The following SH3RF3 variants were observed in gnomAD, a reference collection of about 807,000 sequenced individuals.
The protein encoded by SH3RF3 is E3 ubiquitin-protein ligase SH3RF3.
Under a neutral mutation model 66.3 loss-of-function variants are expected in SH3RF3, and 29 were observed. The ratio of observed to expected loss-of-function variants is 0.44; its 90% CI spans 0.33 to 0.60. The LOEUF (loss-of-function observed/expected upper bound fraction) is 0.60. Ranked by LOEUF, SH3RF3 falls within the 20% of genes least tolerant of loss-of-function variation. The pLI is 0.04. For missense variants in SH3RF3, 1,194 were observed against 1,190.9 expected (o/e 1.00, Z -0.04); for synonymous variants, 583 against 532.0 (o/e 1.10, Z -1.32).
At chr2:109,270,529 ATTCCT>A (rs1680599984) in intron 1 of SH3RF3, among the ~76,000 whole-genome samples, 1 of 152,134 alleles carries the variant, frequency 6.6e-6, no homozygotes, top group Non-Finnish European at 1.5e-5. Flanking sequence ...GAACCCATCC[ATTCCT>A]CTGTGATCAG....
chr2:109,459,880 A>G (rs1177524688), intron 8 of SH3RF3, among the ~76,000 whole-genome samples: 2 of 152,214 alleles, frequency 1.3e-5, no homozygotes, highest in African/African-American at 2.4e-5. Context: ...TTTCTGCCCC[A>G]TGATTCCTGG....
chr2:109,335,809 C>T (rs939791095), intron 1 of SH3RF3, among the ~76,000 whole-genome samples: 3 of 152,148 alleles, frequency 2.0e-5, no homozygotes, highest in African/African-American at 4.8e-5. Flanking sequence ...TCCTACCTTA[C>T]GCGGCTGTAG....
At chr2:109,342,942 T>C (rs1375346040) in intron 1 of SH3RF3, among the ~76,000 whole-genome samples, 1 of 152,222 alleles carries the variant, frequency 6.6e-6, no homozygotes, top group Non-Finnish European at 1.5e-5. Context: ...TTTCCTTTTT[T>C]CTTTTATTTC....
At chr2:109,313,114 A>T (rs947365157) in intron 1 of SH3RF3, among the ~76,000 whole-genome samples, 7 of 152,170 alleles carry the variant, frequency 4.6e-5, no homozygotes, top group Non-Finnish European at 7.3e-5. Flanking sequence ...CTCACACTGT[A>T]GGTAATATTT....
At chr2:109,171,141 C>T (rs1469930504) in intron 1 of SH3RF3, among the ~76,000 whole-genome samples, 3 of 152,160 alleles carry the variant, frequency 2.0e-5, no homozygotes, top group African/African-American at 7.2e-5. Context: ...CTAGATCATT[C>T]AGGTTTTGTT....
intron 1 of SH3RF3, among the ~76,000 whole-genome samples, chr2:109,320,126 A>G (rs937037269): frequency 5.3e-5 from 8 of 152,280 alleles, no homozygotes; most frequent in African/African-American, 1.9e-4. Context: ...GTGCTCCTGT[A>G]AAGCCTGTAG....
chr2:109,310,046 C>T (rs1681691282), intron 1 of SH3RF3, among the ~76,000 whole-genome samples: 1 of 117,694 alleles, frequency 8.5e-6, no homozygotes, highest in South Asian at 2.8e-4. Flanking sequence ...ACATTTTTTT[C>T]AGCACCACAC....
intron 8 of SH3RF3, among the ~76,000 whole-genome samples, chr2:109,466,029 A>G (rs1678331548): frequency 6.6e-6 from 1 of 151,144 alleles, no homozygotes; most frequent in Admixed American, 6.6e-5. Flanking sequence ...ATCAACATAT[A>G]ATGCTGAGCA....
chr2:109,472,578 G>A (rs1192645124), intron 8 of SH3RF3, among the ~76,000 whole-genome samples: 1 of 152,146 alleles, frequency 6.6e-6, no homozygotes, highest in East Asian at 1.9e-4. Context: ...CTGCCTTCTG[G>A]TTGGATGAAG....
intron 4 of SH3RF3, among the ~76,000 whole-genome samples, chr2:109,409,751 C>T (rs564467100): frequency 4.1e-5 from 6 of 147,316 alleles, no homozygotes; most frequent in African/African-American, 1.5e-4. Flanking sequence ...CTGCTTGCTC[C>T]TCTTTGCAGA....
intron 1 of SH3RF3, among the ~76,000 whole-genome samples, chr2:109,196,860 G>A (rs1678513798): frequency 6.6e-6 from 1 of 152,218 alleles, no homozygotes; most frequent in South Asian, 2.1e-4. Flanking sequence ...AGAGACAGAG[G>A]TGGGCCTAGA....
At chr2:109,156,592 T>G (rs375687244) in intron 1 of SH3RF3, among the ~76,000 whole-genome samples, 1 of 151,904 alleles carries the variant, frequency 6.6e-6, no homozygotes, top group African/African-American at 2.4e-5. Context: ...ATTACAGGTG[T>G]CCACCACTAC....
intron 1 of SH3RF3, among the ~76,000 whole-genome samples, chr2:109,336,135 T>C (rs1682415325): frequency 6.6e-6 from 1 of 152,180 alleles, no homozygotes; most frequent in African/African-American, 2.4e-5. Flanking sequence ...AAATATTTAA[T>C]ATCTTAAAGA....
chr2:109,410,200 A>G (rs992967521), intron 4 of SH3RF3, among the ~76,000 whole-genome samples: 1 of 152,212 alleles, frequency 6.6e-6, no homozygotes, highest in Non-Finnish European at 1.5e-5. Context: ...GCCATTGCTG[A>G]CACCAGGCTT....
chr2:109,365,162 C>G (rs1683131147), intron 2 of SH3RF3, among the ~76,000 whole-genome samples: 1 of 152,208 alleles, frequency 6.6e-6, no homozygotes, highest in Non-Finnish European at 1.5e-5. Flanking sequence ...GCATGTTTCA[C>G]AGTGGTTCCT....
chr2:109,170,298 TCTTCTCTTCTCTTCTCTC>T lies in SH3RF3; in HGVS notation c.573+40188_573+40205del, dbSNP rs1368206744. On this transcript the variant is annotated intron_variant, in intron 1 of 9. Coordinates refer to ENST00000309415, the MANE Select transcript of SH3RF3 (RefSeq NM_001099289.3). The stretch of plus-strand genomic sequence containing the variant: ...TCTTCTCTTCTCTTCTCTTCTCTTC[TCTTCTCTTCTCTTCTCTC>T]CTCTCTCTCTCTCCTCTCTCTCTCT... 7.8e-3 allele frequency among the ~76,000 whole-genome samples: 1,012 copies of T among 130,470 alleles called. 31 individuals carry two copies. The highest frequency in any genetic ancestry group is 0.027 in the African/African-American group (959 of 36,036). The allele number at this position is 130,470 out of a possible 152,430, so 85.6% of individuals were successfully genotyped here.
At chr2:109,301,308 TG>T (rs1214766316) in intron 1 of SH3RF3, among the ~76,000 whole-genome samples, 2 of 146,218 alleles carry the variant, frequency 1.4e-5, no homozygotes, top group East Asian at 4.2e-4. Context: ...GTGTATGTGG[TG>T]GGGGGCGGGC....
chr2:109,207,109 G>A (rs970017968), intron 1 of SH3RF3, among the ~76,000 whole-genome samples: 5 of 152,188 alleles, frequency 3.3e-5, no homozygotes, highest in African/African-American at 1.2e-4. Flanking sequence ...AGGCAGATAG[G>A]GCTGTGTGTG....
chr2:109,219,895 TG>T (rs959015643), intron 1 of SH3RF3, among the ~76,000 whole-genome samples: 3 of 152,194 alleles, frequency 2.0e-5, no homozygotes, highest in African/African-American at 7.2e-5. Context: ...AAAACCCCAA[TG>T]GCGTTTTTTA....
Sources: allele counts gnomAD v4.1 joint callset (sites outside exome capture counted in the v4.1 genomes callset), GRCh38; gene constraint gnomAD v4.1.1; transcripts MANE v1.5; gene names NCBI Gene and HGNC (gene_info 2026-07-23, HGNC 2026-07-21).